The following MZT2B variants were observed in gnomAD, a reference collection of about 807,000 sequenced individuals.
MZT2B encodes the protein mitotic spindle organizing protein 2B.
MZT2B carries 11 observed loss-of-function variants against 12.1 expected under a neutral mutation model. The ratio of observed to expected loss-of-function variants is 0.91; its 90% CI spans 0.57 to 1.50. The LOEUF is 1.50. Among genes scored for constraint, MZT2B ranks in the 40% most tolerant of loss-of-function variants. The pLI, the probability that MZT2B is intolerant of heterozygous loss-of-function variation, is 0.00. For missense variants in MZT2B, 209 were observed against 227.7 expected, an observed-to-expected ratio of 0.92 and a Z score of 0.53; for synonymous variants, 85 against 109.5, an observed-to-expected ratio of 0.78 and a Z score of 1.40.
intron 2 of MZT2B, 127 bp downstream of exon 2, chr2:130,182,902 G>T (rs1443179078): frequency 2.2e-6 from 3 of 1,393,134 alleles, no homozygotes; most frequent in Non-Finnish European, 2.9e-6. Context: ...CCCAGCACCT[G>T]CAGGGCCCAT....
At chr2:130,193,883 C>T, downstream of MZT2B, 1 of 1,614,252 alleles carries the variant, frequency 6.2e-7, no homozygotes, top group Non-Finnish European at 8.5e-7. Context: ...CACGTCCCCC[C>T]TGTACAACAT....
Position 130,182,649 on chromosome 2 carries a change from C to T in MZT2B, c.193C>T (p.Leu65=), listed in dbSNP as rs1179069709. 1 of 1,545,792 alleles carries T rather than the reference C, an allele frequency of 6.5e-7. No homozygotes were observed. The highest frequency in any genetic ancestry group is 8.7e-7 in the Non-Finnish European group (1 of 1,146,514). ...CAGGATCCTGGTGGACCTGCTGAAGCTGAACGTGGCCCCCCTCGCCGTCTT... is the reference window on the plus strand; with the variant it reads ...CAGGATCCTGGTGGACCTGCTGAAGTTGAACGTGGCCCCCCTCGCCGTCTT... ...VFKILVDLLK[L]NVAPLAVFQM... The change falls in exon 2 of 3, where the codon CTG becomes TTG. Residue 65 remains leucine, a synonymous_variant. Transcript: ENST00000281871.
At chr2:130,191,001 G>A (rs34156056), downstream of MZT2B, among the ~76,000 whole-genome samples, 55,207 of 151,850 alleles carry the variant, frequency 0.36, 10,469 homozygotes, top group East Asian at 0.46. Flanking sequence ...CCAAGCTGGA[G>A]TGCAGTGGTG....
chr2:130,183,623 C>G, intron 2 of MZT2B: 1 of 1,202,354 alleles, frequency 8.3e-7, no homozygotes, highest in Non-Finnish European at 1.2e-6. Context: ...GAGACCCGCA[C>G]AGGCATCCTG....
chr2:130,185,172 G>A lies in MZT2B; in HGVS notation c.319+2397G>A, dbSNP rs145258563. Among the ~76,000 whole-genome samples, 2,463 of 152,200 alleles carry A rather than the reference G, an allele frequency of 0.016. 111 individuals carry two copies. In the East Asian group the frequency reaches 0.18, roughly 11 times the overall value. On this transcript the variant is annotated intron_variant, in intron 2 of 2. Transcript: ENST00000281871. ...AAAATACAAAAAAAATTAGCTGGGC[G>A]TGGTGGCAGGTGCCTGTAGTCCCAG...
At chr2:130,204,438 C>T in the MZT2B span, 2 of 381,844 alleles carry the variant, frequency 5.2e-6, no homozygotes, top group Non-Finnish European at 1.0e-5. Context: ...CGCCTGTAAT[C>T]CCAGCACTTT....
chr2:130,198,386 C>G, the MZT2B span: 8 of 1,356,296 alleles, frequency 5.9e-6, 3 homozygotes, highest in Non-Finnish European at 6.0e-6. Context: ...TTCAGCCCAA[C>G]GCTACTTCCA....
chr2:130,182,055 C>A, upstream of MZT2B: 1 of 1,346,262 alleles, frequency 7.4e-7, no homozygotes, highest in Non-Finnish European at 9.6e-7. Flanking sequence ...CGGACCCCTG[C>A]GGTCCGCCAT....
At chr2:130,187,214 A>G (rs1690099659) in intron 2 of MZT2B, among the ~76,000 whole-genome samples, 1 of 151,920 alleles carries the variant, frequency 6.6e-6, no homozygotes, top group South Asian at 2.1e-4. Context: ...TATTTTTGAG[A>G]CAGTCTTGTT....
chr2:130,186,202 G>C (rs1477994002), intron 2 of MZT2B, among the ~76,000 whole-genome samples: 1 of 152,114 alleles, frequency 6.6e-6, no homozygotes, highest in Non-Finnish European at 1.5e-5. Flanking sequence ...CACAGGACTC[G>C]GGTGTGGAGT....
Position 130,182,340 on chromosome 2 carries a change from G to T in MZT2B, c.58G>T (p.Ala20Ser). 1 of 1,530,348 alleles carries T rather than the reference G, an allele frequency of 6.5e-7. No individual in the cohort carries two copies. 94.8% of individuals were successfully genotyped at this position (1,530,348 alleles called of 1,614,324 possible). A position where few individuals can be genotyped will look rare whatever the true frequency, so the allele number is the denominator to read the frequency against. Residue 20 changes from alanine to serine, a missense_variant, in exon 1 of 3, where the codon GCG becomes TCG. Transcript: ENST00000281871. ...PGSAAPPGLE[A>S]ARQKLALRRK... is the part of the protein sequence containing the mutation. ...GTCGGCGGCGCCCCCGGGGCTGGAGGCGGCCCGGCAGAAGCTGGCGCTGCG... is the reference window on the plus strand; with the variant it reads ...GTCGGCGGCGCCCCCGGGGCTGGAGTCGGCCCGGCAGAAGCTGGCGCTGCG...
chr2:130,187,186 A>G (rs1026954596), intron 2 of MZT2B, among the ~76,000 whole-genome samples: 2 of 151,718 alleles, frequency 1.3e-5, no homozygotes, highest in Non-Finnish European at 2.9e-5. Flanking sequence ...ATTTTCTTTT[A>G]CTTTTTATTT....
the MZT2B span, among the ~76,000 whole-genome samples, chr2:130,200,206 A>G: frequency 1.1e-3 from 161 of 152,244 alleles, no homozygotes; most frequent in African/African-American, 3.8e-3. Flanking sequence ...CCTGGCTAAC[A>G]CGGTGAAACC....
chr2:130,183,994 G>C (rs768500102), intron 2 of MZT2B: 13 of 1,550,498 alleles, frequency 8.4e-6, no homozygotes, highest in Admixed American at 2.0e-5. Context: ...ATCTCTGGGG[G>C]TTGGTGCTCT....
chr2:130,190,960 G>GT (rs1351571624), downstream of MZT2B, among the ~76,000 whole-genome samples: 1 of 151,772 alleles, frequency 6.6e-6, no homozygotes, highest in African/African-American at 2.4e-5. Flanking sequence ...GGTTTTTTTG[G>GT]TTTTTTTGAA....
At chr2:130,201,983 A>G in the MZT2B span, among the ~76,000 whole-genome samples, 26 of 152,332 alleles carry the variant, frequency 1.7e-4, no homozygotes, top group South Asian at 1.0e-3. Flanking sequence ...ATGCTACGTG[A>G]CTGCAATATT....
chr2:130,195,628 T>C (rs1690385516), downstream of MZT2B, among the ~76,000 whole-genome samples: 1 of 152,234 alleles, frequency 6.6e-6, no homozygotes, highest in Non-Finnish European at 1.5e-5. Context: ...GCACCCTGGA[T>C]GACCTGGGTC....
chr2:130,181,753 C>T (rs1171668533), upstream of MZT2B: 1 of 1,548,322 alleles, frequency 6.5e-7, no homozygotes. Context: ...GGGAGTGGTC[C>T]TTAGCTGAAT....
At chr2:130,204,704 AG>A in the MZT2B span, among the ~76,000 whole-genome samples, 30 of 56,858 alleles carry the variant, frequency 5.3e-4, no homozygotes, top group Non-Finnish European at 8.6e-4. Context: ...AAAAAAAAAA[AG>A]GGGGGGTGGG....
Sources: gnomAD v4.1 joint callset for allele counts (sites outside exome capture counted in the v4.1 genomes callset) on GRCh38, gnomAD v4.1.1 for gene constraint, MANE v1.5 for transcripts, NCBI Gene and HGNC (gene_info 2026-07-23, HGNC 2026-07-21) for gene names.